The following SLC44A1 variants were observed in gnomAD, a reference collection of about 807,000 sequenced individuals.
SLC44A1 encodes the protein solute carrier family 44 member 1.
A neutral mutation model predicts 79.3 loss-of-function variants in SLC44A1; 26 were observed. The observed-to-expected ratio is 0.33, with a 90% confidence interval of 0.24 to 0.46. The LOEUF is 0.46. Ranked by LOEUF, SLC44A1 falls within the 20% of genes least tolerant of loss-of-function variation. SLC44A1 has a pLI of 1.00. For missense variants in SLC44A1, 688 were observed against 798.1 expected (o/e 0.86, Z 1.66); for synonymous variants, 263 against 286.2 (o/e 0.92, Z 0.82).
At chr9:105,311,700 A>G (rs1036238362) in intron 3 of SLC44A1, among the ~76,000 whole-genome samples, 2 of 152,164 alleles carry the variant, frequency 1.3e-5, no homozygotes, top group African/African-American at 4.8e-5. Context: ...TAATTCATGT[A>G]CGCATGTTTA....
Position 105,244,687 on chromosome 9 carries a change from G to C in SLC44A1, c.-182G>C. On this transcript the variant is annotated 5_prime_UTR_variant, in exon 1 of 16. Transcript: ENST00000374720. ...CGCCGTCGCCGCCGCCGGGGGATGT[G>C]GCCGGCGCCTGCCTCTAGCCGCGCC... 1 of 294,688 alleles carries C rather than the reference G, an allele frequency of 3.4e-6. No individual in the cohort carries two copies. Among genetic ancestry groups the C allele is most frequent in the African/African-American group, 2.2e-5 (1 of 44,654 alleles). The allele number at this position is 294,688 out of a possible 1,614,324, so 18.3% of individuals were successfully genotyped here. A position where few individuals can be genotyped will look rare whatever the true frequency, so the allele number is the denominator to read the frequency against.
chr9:105,320,014 G>A (rs1021363524), intron 3 of SLC44A1, among the ~76,000 whole-genome samples: 1 of 152,166 alleles, frequency 6.6e-6, no homozygotes, highest in African/African-American at 2.4e-5. Flanking sequence ...TTTGTAGTCA[G>A]TCCTTGCCCC....
At chr9:105,369,741 C>A (rs1588841109) in intron 12 of SLC44A1, among the ~76,000 whole-genome samples, 1 of 152,172 alleles carries the variant, frequency 6.6e-6, no homozygotes, top group Non-Finnish European at 1.5e-5. Flanking sequence ...AAGAGAATTT[C>A]TGGGTCCTTC....
intron 15 of SLC44A1, among the ~76,000 whole-genome samples, chr9:105,406,640 G>T (rs1829032619): frequency 6.6e-6 from 1 of 152,096 alleles, no homozygotes; most frequent in South Asian, 2.1e-4. Context: ...TACTCAGGAG[G>T]CTGAGGTGGG....
intron 15 of SLC44A1, among the ~76,000 whole-genome samples, chr9:105,427,220 A>C (rs779489718): frequency 2.6e-5 from 4 of 152,218 alleles, no homozygotes; most frequent in Non-Finnish European, 5.9e-5. Context: ...GGCGTGAGCC[A>C]CTGCACCTGG....
Position 105,244,806 on chromosome 9 carries a change from G to A in SLC44A1, c.-63G>A. ...TCCCCGGGCGCCCGCCGGCTCGCAT[G>A]CCGAGGGGCTCCGGGGCGTAGCTGC... is the stretch of plus-strand genomic sequence containing the variant. On this transcript the variant is annotated 5_prime_UTR_variant, in exon 1 of 16. The change abolishes an upstream ATG in the 5' untranslated region. Coordinates refer to ENST00000374720, the MANE Select transcript of SLC44A1 (RefSeq NM_080546.5). 1 of 1,053,726 alleles carries A rather than the reference G, an allele frequency of 9.5e-7. No homozygotes were observed. Among genetic ancestry groups the A allele is most frequent in the Non-Finnish European group, 1.2e-6 (1 of 858,504 alleles). The allele number at this position is 1,053,726 out of a possible 1,614,324, so 65.3% of individuals were successfully genotyped here.
chr9:105,356,347 A>T lies in SLC44A1; in HGVS notation c.636A>T (p.Lys212Asn). 6.2e-7 allele frequency: 1 copy of T among 1,606,526 alleles called. No individual in the cohort carries two copies. The highest frequency in any genetic ancestry group is 8.5e-7 in the Non-Finnish European group (1 of 1,176,976). The change falls in exon 6 of 16, where the codon AAA becomes AAT. Residue 212 changes from lysine (K) to asparagine (N), a missense_variant. Physicochemically the swap from Lys to Asn is moderately conservative, Grantham distance 94 (BLOSUM62 0). Transcript: ENST00000374720. ...HRLISGVMTSKEIILGLCLLS... is the reference protein window; with the variant it reads ...HRLISGVMTSNEIILGLCLLS... ...TGATTAGTGGAGTAATGACCAGCAA[A>T]GAAATTATATTGGGACTTTGCTTGT...
chr9:105,388,741 C>T (rs565917271), intron 15 of SLC44A1, among the ~76,000 whole-genome samples: 8 of 152,264 alleles, frequency 5.3e-5, no homozygotes, highest in African/African-American at 1.4e-4. Flanking sequence ...TTCTGACTGT[C>T]TGCTTGCTAT....
chr9:105,289,323 G>A (rs973718163), intron 1 of SLC44A1, among the ~76,000 whole-genome samples: 8 of 152,130 alleles, frequency 5.3e-5, no homozygotes, highest in African/African-American at 1.7e-4. Flanking sequence ...ACCATTTAGG[G>A]GAAGCTTCTG....
chr9:105,408,496 A>T (rs55936368), intron 15 of SLC44A1, among the ~76,000 whole-genome samples: 1 of 151,934 alleles, frequency 6.6e-6, no homozygotes, highest in East Asian at 1.9e-4. Flanking sequence ...TGCAACCTCC[A>T]CCTCCTGGGT....
intron 15 of SLC44A1, among the ~76,000 whole-genome samples, chr9:105,424,355 G>T (rs1346104107): frequency 6.6e-6 from 1 of 152,204 alleles, no homozygotes; most frequent in Admixed American, 6.5e-5. Context: ...ATTGTAGCAG[G>T]AGATGTGGCT....
chr9:105,286,767 A>G (rs1400492513), intron 1 of SLC44A1, among the ~76,000 whole-genome samples: 3 of 152,130 alleles, frequency 2.0e-5, no homozygotes, highest in African/African-American at 7.2e-5. Flanking sequence ...GTTTGAGACC[A>G]GCCTGGGCAA....
rs571243106 is a variant in SLC44A1 at position 105,289,732 on chromosome 9, A to T, written c.37-9488A>T. Among the ~76,000 whole-genome samples, 44 of 151,690 alleles carry T rather than the reference A, an allele frequency of 2.9e-4. 1 individual carries two copies. Among genetic ancestry groups the T allele is most frequent in the African/African-American group, 1.0e-3 (43 of 41,302 alleles). On this transcript the variant is annotated intron_variant, in intron 1 of 15. Coordinates refer to ENST00000374720, the MANE Select transcript of SLC44A1 (RefSeq NM_080546.5). ...TAAATTTACCAAATTCTGCCCACCT[A>T]TTTGCTATATTATGATCAGTGCAAT...
intron 1 of SLC44A1, among the ~76,000 whole-genome samples, chr9:105,272,345 C>T (rs551016103): frequency 4.6e-5 from 7 of 152,180 alleles, no homozygotes; most frequent in African/African-American, 1.7e-4. Flanking sequence ...AGGAGAGGGG[C>T]TTGGGAGATA....
intron 15 of SLC44A1, among the ~76,000 whole-genome samples, chr9:105,405,131 G>C (rs1829011860): frequency 6.6e-6 from 1 of 151,978 alleles, no homozygotes; most frequent in Non-Finnish European, 1.5e-5. Flanking sequence ...ACCAGCCTGG[G>C]CAACATGGTG....
chr9:105,333,244 C>CT (rs35449648), intron 3 of SLC44A1, among the ~76,000 whole-genome samples: 2 of 151,752 alleles, frequency 1.3e-5, no homozygotes, highest in African/African-American at 2.4e-5. Flanking sequence ...CAGCTTCTGG[C>CT]TTTTTTTTCC....
At chr9:105,348,162 T>G (rs961175899) in intron 4 of SLC44A1, among the ~76,000 whole-genome samples, 196 bp from the exon 5 acceptor site, 3 of 152,136 alleles carry the variant, frequency 2.0e-5, no homozygotes, top group Non-Finnish European at 4.4e-5. Flanking sequence ...AATTTGTACA[T>G]GAATTACATT....
rs545146015 is a variant in SLC44A1 at position 105,376,775 on chromosome 9, C to T, written c.1632+2040C>T. Reference sequence around the variant, plus strand: ...ATTTTAGTAAACTCTGATTAAGATACTTTGGGTACCAGGCAATGAGTGAAG... The same window carrying T: ...ATTTTAGTAAACTCTGATTAAGATATTTTGGGTACCAGGCAATGAGTGAAG... On this transcript the variant is annotated intron_variant, in intron 13 of 15. Coordinates refer to ENST00000374720, the MANE Select transcript of SLC44A1 (RefSeq NM_080546.5). Among the ~76,000 whole-genome samples, 8 of 152,290 alleles carry T rather than the reference C, an allele frequency of 5.3e-5. No homozygotes were observed. In the South Asian group the frequency reaches 1.4e-3, roughly 28 times the overall value.
intron 7 of SLC44A1, 24 bp from the exon 8 acceptor site, chr9:105,361,167 A>G (rs1827766698): frequency 2.5e-6 from 4 of 1,610,920 alleles, no homozygotes; most frequent in African/African-American, 1.3e-5. Flanking sequence ...TTATTGCATT[A>G]ACAGTTGGGT....
Sources: allele counts gnomAD v4.1 joint callset (sites outside exome capture counted in the v4.1 genomes callset), GRCh38; gene constraint gnomAD v4.1.1; transcripts MANE v1.5; gene names NCBI Gene and HGNC (gene_info 2026-07-23, HGNC 2026-07-21).